Variants in ZNF133 observed in about 807,000 individuals in gnomAD.
ZNF133 encodes zinc finger protein 133 (clone pHZ-13).
A neutral mutation model predicts 54.9 loss-of-function variants in ZNF133; 26 were observed. The observed-to-expected ratio is 0.47, with a 90% CI of 0.35 to 0.66. ZNF133 has a LOEUF of 0.66. Ranked by LOEUF, ZNF133 falls within the 30% of genes least tolerant of loss-of-function variation. The pLI is 0.01. For missense variants in ZNF133, 653 were observed against 820.8 expected (o/e 0.80, Z 2.50); for synonymous variants, 298 against 320.3 (o/e 0.93, Z 0.74).
At chr20:18,306,481 G>A (rs1047980278) in intron 6 of ZNF133, 88 bp downstream of exon 6, 2 of 1,343,240 alleles carry the variant, frequency 1.5e-6, no homozygotes, top group Admixed American at 4.0e-5. Context: ...GTGCTGGGGA[G>A]GGAAGCTGTT....
chr20:18,315,217 G>A lies in ZNF133; in HGVS notation c.366G>A (p.Pro122=), dbSNP rs2228274. The stretch of plus-strand genomic sequence containing the variant: ...AAGGTAACATCCAGCCTGGGGATCC[G>A]GGCCCAGGGGACCAGGAGAAGCAGC... ...CAEGNIQPGD[P]GPGDQEKQQQ... is the part of the protein sequence containing the mutation. The change falls in exon 7 of 7, where the codon CCG becomes CCA. Residue 122 remains proline (P), a synonymous_variant. Coordinates refer to ENST00000425686, the MANE Select transcript of ZNF133 (RefSeq NM_001352452.2). 117,140 of 1,613,904 alleles carry A rather than the reference G, an allele frequency of 0.073. 4,824 individuals are homozygous for A. Among genetic ancestry groups the A allele is most frequent in the Middle Eastern group, 0.13 (771 of 6,062 alleles).
chr20:18,306,461 C>T (rs746892506), intron 6 of ZNF133, 68 bp downstream of exon 6: 25 of 1,494,836 alleles, frequency 1.7e-5, no homozygotes, highest in East Asian at 4.6e-5. Flanking sequence ...GGAGAGGAGG[C>T]GTTGCTCAGG....
intron 3 of ZNF133, 56 bp from the exon 4 acceptor site, chr20:18,304,952 C>T (rs1249756262): frequency 1.0e-6 from 1 of 971,564 alleles, no homozygotes; most frequent in Non-Finnish European, 1.2e-6. Flanking sequence ...AACCCATTCT[C>T]CAAGACCAAG....
In ZNF133 at chr20:18,304,999, C is replaced by T. The variant is rs1178293972; in HGVS notation, c.-177-9C>T. 6.1e-6 allele frequency: 6 copies of T among 985,302 alleles called. No homozygotes were observed. Among genetic ancestry groups the T allele is most frequent in the Non-Finnish European group, 7.2e-6 (6 of 829,970 alleles). The allele number at this position is 985,302 out of a possible 1,614,324, so 61.0% of individuals were successfully genotyped here. The stretch of plus-strand genomic sequence containing the variant: ...TGTCTTAGAAACCCCTTTCTAATCT[C>T]TATTCCAGTGTGTCCTCCATTTGGA... On this transcript the variant is annotated splice_polypyrimidine_tract_variant and intron_variant, in intron 3 of 6. Coordinates refer to ENST00000425686, the MANE Select transcript of ZNF133 (RefSeq NM_001352452.2).
At chr20:18,297,955 C>T in intron 1 of ZNF133, 30 bp from the exon 2 acceptor site, 1 of 1,432,484 alleles carries the variant, frequency 7.0e-7, no homozygotes, top group Non-Finnish European at 9.5e-7. Context: ...TTCTACCTGA[C>T]ACCCTCCCAT....
At chr20:18,310,516 G>A (rs4813311) in intron 6 of ZNF133, among the ~76,000 whole-genome samples, 151,750 of 152,352 alleles carry the variant, frequency 1, 75,574 homozygotes, top group East Asian at 1. Flanking sequence ...TAAGTGAAAT[G>A]AGCCAGTCAC....
chr20:18,296,184 C>A (rs2042201167), intron 1 of ZNF133, among the ~76,000 whole-genome samples: 1 of 152,062 alleles, frequency 6.6e-6, no homozygotes, highest in South Asian at 2.1e-4. Context: ...CCTTTTAGTT[C>A]TAAGTTTACA....
intron 1 of ZNF133, among the ~76,000 whole-genome samples, chr20:18,297,118 C>T (rs550560871): frequency 5.1e-4 from 78 of 152,032 alleles, no homozygotes; most frequent in African/African-American, 1.5e-3. Flanking sequence ...TAAATATTTC[C>T]GTTGTTTTGG....
At chr20:18,314,709 A>G (rs1204855002) in intron 6 of ZNF133, 1 of 183,866 alleles carries the variant, frequency 5.4e-6, no homozygotes, top group African/African-American at 2.3e-5. Flanking sequence ...TCTTTCCATC[A>G]AAGAAGAAAG....
chr20:18,299,686 G>C (rs981938844), intron 3 of ZNF133, among the ~76,000 whole-genome samples: 2 of 152,170 alleles, frequency 1.3e-5, no homozygotes, highest in Admixed American at 6.5e-5. Context: ...ATTTTTGAAA[G>C]CAGCAAGAGA....
Position 18,298,366 on chromosome 20 carries a change from A to C in ZNF133, c.-276A>C, listed in dbSNP as rs1048801416. 2 of 1,242,504 alleles carry C rather than the reference A, an allele frequency of 1.6e-6. No individual in the cohort carries two copies. The highest frequency in any genetic ancestry group is 2.0e-6 in the Non-Finnish European group (2 of 986,604). The allele number at this position is 1,242,504 out of a possible 1,614,324, so 77.0% of individuals were successfully genotyped here. ...TTCTGGAATCTGTGTCCCCACCTAG[A>C]CAACGATTATACTGGCAGGATCTAT... On this transcript the variant is annotated 5_prime_UTR_variant, in exon 3 of 7. Coordinates refer to ENST00000425686, the MANE Select transcript of ZNF133 (RefSeq NM_001352452.2).
rs187090803 is a variant in ZNF133 at position 18,302,589 on chromosome 20, A to G, written c.-177-2419A>G. 3.2e-4 allele frequency among the ~76,000 whole-genome samples: 48 copies of G among 152,344 alleles called. No individual in the cohort carries two copies. In the East Asian group the frequency reaches 8.1e-3, roughly 26 times the overall value. On this transcript the variant is annotated intron_variant, in intron 3 of 6. Coordinates refer to ENST00000425686, the MANE Select transcript of ZNF133 (RefSeq NM_001352452.2). ...CATATGCAAAAATCTCACAGCTAAC[A>G]TACTCCATGGTGAAAGACTGAAAGC...
At chr20:18,311,781 A>G (rs1056511049) in intron 6 of ZNF133, among the ~76,000 whole-genome samples, 1 of 152,260 alleles carries the variant, frequency 6.6e-6, no homozygotes, top group Non-Finnish European at 1.5e-5. Flanking sequence ...TGCCTGAAAA[A>G]TATGCCATTT....
intron 6 of ZNF133, chr20:18,310,027 T>A: frequency 1.2e-6 from 1 of 822,556 alleles, no homozygotes; most frequent in Non-Finnish European, 1.6e-6. Flanking sequence ...CTTTGTACAT[T>A]TACACAAATA....
Position 18,305,281 on chromosome 20 carries a change from G to A in ZNF133, c.-7+103G>A. 1.2e-6 allele frequency: 1 copy of A among 851,886 alleles called. No homozygotes were observed. Among genetic ancestry groups the A allele is most frequent in the Non-Finnish European group, 1.4e-6 (1 of 703,216 alleles). The allele number at this position is 851,886 out of a possible 1,614,324, so 52.8% of individuals were successfully genotyped here. A position where few individuals can be genotyped will look rare whatever the true frequency, so the allele number is the denominator to read the frequency against. ...CTCTGCTTGTGACCATCAGGCCCGAGAAAGCCAAGCCGTAGGATTTTGAGG... is the reference window on the plus strand; with the variant it reads ...CTCTGCTTGTGACCATCAGGCCCGAAAAAGCCAAGCCGTAGGATTTTGAGG... On this transcript the variant is annotated intron_variant, in intron 4 of 6. Transcript: ENST00000425686. The surrounding 1 kb of genome is among the most constrained non-coding windows in gnomAD (Gnocchi z 4.7).
intron 6 of ZNF133, among the ~76,000 whole-genome samples, chr20:18,307,849 C>T (rs778303510): frequency 6.6e-6 from 1 of 152,142 alleles, no homozygotes; most frequent in African/African-American, 2.4e-5. Flanking sequence ...ACTTTTACTA[C>T]ACTTTTCTTT....
chr20:18,314,787 G>A (rs1328528761), intron 6 of ZNF133: 1 of 335,398 alleles, frequency 3.0e-6, no homozygotes, highest in African/African-American at 2.1e-5. Context: ...TGTATTGAAG[G>A]TGAGGGGGAA....
At chr20:18,301,783 C>T (rs1415819667) in intron 3 of ZNF133, among the ~76,000 whole-genome samples, 1 of 152,098 alleles carries the variant, frequency 6.6e-6, no homozygotes, top group East Asian at 1.9e-4. Context: ...TCCTGATAAA[C>T]AATCAGGCCC....
rs2047653281 is a variant in ZNF133, at chr20:18,316,964, T to G, written c.*148T>G. ...TTCTCCATGTTTTGTGGCCTTCGGT[T>G]GTAATAAACTTGGCTTCTTTATACA... On this transcript the variant is annotated 3_prime_UTR_variant, in exon 7 of 7. Transcript: ENST00000425686. The G allele has an allele frequency of 9.7e-7, 1 of 1,029,666 alleles. No homozygotes were observed. Among genetic ancestry groups the G allele is most frequent in the Admixed American group, 2.9e-5 (1 of 34,114 alleles). 63.8% of individuals were successfully genotyped at this position (1,029,666 alleles called of 1,614,324 possible).
Sources: gnomAD v4.1 joint callset for allele counts (sites outside exome capture counted in the v4.1 genomes callset) on GRCh38, gnomAD v4.1.1 for gene constraint, Gnocchi (gnomAD v3.1) non-coding constraint, MANE v1.5 for transcripts, NCBI Gene and HGNC (gene_info 2026-07-23, HGNC 2026-07-21) for gene names.